FRS2: variants seen among roughly 807,000 people sequenced by gnomAD.
The protein encoded by FRS2 is fibroblast growth factor receptor substrate 2.
In FRS2, 8 loss-of-function variants were observed where a neutral mutation model predicts 43.9. That is an observed-to-expected ratio of 0.18 (90% CI 0.11 to 0.33). FRS2 has a LOEUF of 0.33. Ranked by LOEUF, FRS2 falls within the 10% of genes least tolerant of loss-of-function variation. The pLI is 1.00. For missense variants in FRS2, 534 were observed against 627.6 expected (o/e 0.85, Z 1.59); for synonymous variants, 219 against 220.3 (o/e 0.99, Z 0.05).
intron 1 of FRS2, among the ~76,000 whole-genome samples, chr12:69,495,523 T>C (rs1318037748): frequency 1.3e-5 from 2 of 152,202 alleles, no homozygotes; most frequent in African/African-American, 2.4e-5. Context: ...TTTGATTAAC[T>C]ACATGATAAA....
intron 1 of FRS2, among the ~76,000 whole-genome samples, chr12:69,530,291 C>G (rs1555188486): frequency 6.9e-6 from 1 of 144,020 alleles, no homozygotes; most frequent in Non-Finnish European, 1.5e-5. Flanking sequence ...TTTTTCCAGT[C>G]TGTAAATGGC....
intron 1 of FRS2, among the ~76,000 whole-genome samples, chr12:69,488,054 CT>C (rs1300517795): frequency 6.6e-6 from 1 of 152,160 alleles, no homozygotes; most frequent in Non-Finnish European, 1.5e-5. Flanking sequence ...GAGATGGAGT[CT>C]ACTCCTGATG....
chr12:69,533,385 T>G (rs1042004180), intron 3 of FRS2, among the ~76,000 whole-genome samples: 11 of 152,236 alleles, frequency 7.2e-5, no homozygotes, highest in African/African-American at 2.6e-4. Flanking sequence ...GTTTTGCTCT[T>G]GTTGCCCAGG....
rs2066300354 is a variant in FRS2, at chr12:69,475,086, A to G, written c.-261+4556A>G. The stretch of plus-strand genomic sequence containing the variant: ...ATTTTGGAAACTGTTTAAGAACTGT[A>G]AATTTATAGAATTTTGTGTGGTTTT... On this transcript the variant is annotated intron_variant, in intron 1 of 8. Transcript: ENST00000549921. Among the ~76,000 whole-genome samples, 4 of 152,216 alleles carry G rather than the reference A, an allele frequency of 2.6e-5. No homozygotes were observed. The South Asian group carries it at 8.3e-4, about 32-fold the overall frequency.
At chr12:69,513,036 C>G (rs1874612515) in intron 1 of FRS2, among the ~76,000 whole-genome samples, 1 of 152,098 alleles carries the variant, frequency 6.6e-6, no homozygotes, top group Non-Finnish European at 1.5e-5. Context: ...AGTTGCTCAA[C>G]TCTCAAGGCC....
At chr12:69,549,171 C>T (rs1373617487) in intron 3 of FRS2, among the ~76,000 whole-genome samples, 1 of 152,074 alleles carries the variant, frequency 6.6e-6, no homozygotes, top group Non-Finnish European at 1.5e-5. Flanking sequence ...AGCTAAAAAT[C>T]AACCATAAAA....
In FRS2 at chr12:69,569,048, C is replaced by T; in HGVS notation, c.18C>T (p.Ser6=). 1 of 1,611,952 alleles carries T rather than the reference C, an allele frequency of 6.2e-7. No homozygotes were observed. The highest frequency in any genetic ancestry group is 1.1e-5 in the South Asian group (1 of 90,856). The part of the protein sequence containing the change: MGSCC[S]CPDKDTVPDN... ...AAGAAGCCATGGGTAGCTGTTGTAGCTGTCCAGATAAAGACACTGTCCCAG... is the reference window on the plus strand; with the variant it reads ...AAGAAGCCATGGGTAGCTGTTGTAGTTGTCCAGATAAAGACACTGTCCCAG... Residue 6 remains serine (S), a synonymous_variant, in exon 5 of 9, where the codon AGC becomes AGT. Transcript: ENST00000549921.
chr12:69,558,867 C>A (rs898356564), intron 3 of FRS2, among the ~76,000 whole-genome samples: 2 of 152,160 alleles, frequency 1.3e-5, no homozygotes, highest in Non-Finnish European at 2.9e-5. Flanking sequence ...TCAGAAAATA[C>A]GTGGTAGAAT....
At chr12:69,521,552 C>T (rs889381312) in intron 1 of FRS2, among the ~76,000 whole-genome samples, 1 of 152,100 alleles carries the variant, frequency 6.6e-6, no homozygotes, top group Non-Finnish European at 1.5e-5. Flanking sequence ...TCATAGATAG[C>T]TCTAATTATT....
At chr12:69,558,117 A>G (rs957802277) in intron 3 of FRS2, among the ~76,000 whole-genome samples, 8 of 152,138 alleles carry the variant, frequency 5.3e-5, no homozygotes, top group East Asian at 1.9e-4. Context: ...ATATGGGGTT[A>G]AAGTGTGTGA....
intron 1 of FRS2, among the ~76,000 whole-genome samples, chr12:69,528,794 G>A (rs1275786554): frequency 6.6e-6 from 1 of 152,196 alleles, no homozygotes; most frequent in Non-Finnish European, 1.5e-5. Flanking sequence ...CACTAGGGCA[G>A]ATTTCTTTGA....
chr12:69,517,100 A>G lies in FRS2; in HGVS notation c.-260-13765A>G, dbSNP rs186237773. Among the ~76,000 whole-genome samples the G allele has an allele frequency of 1.9e-3, 291 of 152,310 alleles. 1 individual carries two copies. Among genetic ancestry groups the G allele is most frequent in the Non-Finnish European group, 2.2e-3 (153 of 68,030 alleles). ...ACAGCTTATTCATCCTCCACAAGGGAAAAAAGACCCTCCCAGCCCTCACAG... is the reference window on the plus strand; with the variant it reads ...ACAGCTTATTCATCCTCCACAAGGGGAAAAAGACCCTCCCAGCCCTCACAG... On this transcript the variant is annotated intron_variant, in intron 1 of 8. Coordinates refer to ENST00000549921, the MANE Select transcript of FRS2 (RefSeq NM_001278356.2).
At chr12:69,484,032 T>C (rs1164274724) in intron 1 of FRS2, among the ~76,000 whole-genome samples, 1 of 152,174 alleles carries the variant, frequency 6.6e-6, no homozygotes, top group East Asian at 1.9e-4. Context: ...GATTATAATG[T>C]CCTAAGACAT....
intron 1 of FRS2, among the ~76,000 whole-genome samples, chr12:69,474,799 T>C (rs1372476130): frequency 1.3e-5 from 2 of 152,208 alleles, no homozygotes; most frequent in African/African-American, 4.8e-5. Context: ...ATTTCACTTA[T>C]TTATGTGTAT....
chr12:69,534,576 T>C (rs932676796), intron 3 of FRS2, among the ~76,000 whole-genome samples: 2 of 152,158 alleles, frequency 1.3e-5, no homozygotes, highest in African/African-American at 4.8e-5. Flanking sequence ...ACAGGGTTGC[T>C]AAGGTGACCA....
chr12:69,500,102 T>G (rs1001880301), intron 1 of FRS2, among the ~76,000 whole-genome samples: 1 of 152,198 alleles, frequency 6.6e-6, no homozygotes, highest in Non-Finnish European at 1.5e-5. Flanking sequence ...CTAGTATCAC[T>G]GGCTTTGAAT....
At chr12:69,571,547 T>A in intron 7 of FRS2, 113 bp downstream of exon 7, 1 of 875,372 alleles carries the variant, frequency 1.1e-6, no homozygotes, top group African/African-American at 1.7e-5. Context: ...ATAACAGAAG[T>A]ATAATGGTTG....
At chr12:69,487,668 G>A (rs528576420) in intron 1 of FRS2, among the ~76,000 whole-genome samples, 2 of 152,260 alleles carry the variant, frequency 1.3e-5, no homozygotes, top group Non-Finnish European at 2.9e-5. Flanking sequence ...AAGTCTTATT[G>A]TTTAAGAAAT....
At chr12:69,561,049 C>A (rs1285339093) in intron 3 of FRS2, among the ~76,000 whole-genome samples, 1 of 152,114 alleles carries the variant, frequency 6.6e-6, no homozygotes, top group Non-Finnish European at 1.5e-5. Flanking sequence ...CCCTAGAATA[C>A]ATTTTAAAAG....
Sources: gnomAD v4.1 joint callset for allele counts (sites outside exome capture counted in the v4.1 genomes callset) on GRCh38, gnomAD v4.1.1 for gene constraint, MANE v1.5 for transcripts, NCBI Gene and HGNC (gene_info 2026-07-23, HGNC 2026-07-21) for gene names.